The following NEGR1 variants were observed in gnomAD, a reference collection of about 807,000 sequenced individuals.
NEGR1 encodes the protein neuronal growth regulator 1, also known as IgLON family member 4.
NEGR1 carries 10 observed loss-of-function variants against 40.9 expected under a neutral mutation model. That is an observed-to-expected ratio of 0.24 (90% CI 0.15 to 0.42). The LOEUF (loss-of-function observed/expected upper bound fraction) is 0.42, where lower values mean the gene tolerates loss of function less well. NEGR1 is among the 10% of genes least tolerant of loss of function. NEGR1 has a pLI of 1.00. For missense variants in NEGR1, 352 were observed against 438.9 expected (o/e 0.80, Z 1.77); for synonymous variants, 185 against 166.8 (o/e 1.11, Z -0.84).
chr1:71,573,667 T>C (rs1570050122), intron 6 of NEGR1: 1 of 152,346 alleles, frequency 6.6e-6, no homozygotes, highest in Admixed American at 6.5e-5. Context: ...TATAAATTAA[T>C]AAATTGATAT....
intron 2 of NEGR1, among the ~76,000 whole-genome samples, chr1:71,882,233 C>T (rs1660602089): frequency 6.6e-6 from 1 of 152,058 alleles, no homozygotes; most frequent in South Asian, 2.1e-4. Flanking sequence ...TTGCTCCATT[C>T]CATTTAATTC....
intron 4 of NEGR1, among the ~76,000 whole-genome samples, chr1:71,612,289 A>C (rs1464456067): frequency 2.6e-5 from 4 of 152,192 alleles, no homozygotes; most frequent in Non-Finnish European, 5.9e-5. Context: ...GGTATGCCAG[A>C]TTTCCTTTTC....
chr1:71,785,813 C>T (rs1373874366), intron 2 of NEGR1, among the ~76,000 whole-genome samples: 1 of 152,144 alleles, frequency 6.6e-6, no homozygotes, highest in African/African-American at 2.4e-5. Flanking sequence ...CCAATGTCTA[C>T]CCTTGGAGTC....
At chr1:71,850,469 G>A (rs1659567513) in intron 2 of NEGR1, among the ~76,000 whole-genome samples, 1 of 151,968 alleles carries the variant, frequency 6.6e-6, no homozygotes, top group Non-Finnish European at 1.5e-5. Context: ...CTATTGTCTT[G>A]TCAAGAATAT....
In NEGR1 at chr1:71,748,511, C is replaced by G. The variant is rs374560739; in HGVS notation, c.535+27661G>C. Among the ~76,000 whole-genome samples, 207 of 152,188 alleles carry G rather than the reference C, an allele frequency of 1.4e-3. 1 individual carries two copies. Among genetic ancestry groups the G allele is most frequent in the South Asian group, 5.4e-3 (26 of 4,830 alleles). Reference sequence around the variant, plus strand: ...CCAAATAAAGGGAGAATAGTGATGACATATTGAGACCTTATTAATGACCTA... The same window carrying G: ...CCAAATAAAGGGAGAATAGTGATGAGATATTGAGACCTTATTAATGACCTA... On this transcript the variant is annotated intron_variant, in intron 3 of 6. Coordinates refer to ENST00000357731, the MANE Select transcript of NEGR1 (RefSeq NM_173808.3).
At chr1:71,785,088 C>T (rs1656862765) in intron 2 of NEGR1, among the ~76,000 whole-genome samples, 1 of 152,172 alleles carries the variant, frequency 6.6e-6, no homozygotes. Flanking sequence ...CAAATCACTG[C>T]TGTACCTCAG....
At chr1:71,508,822 T>C (rs1435662192) in intron 6 of NEGR1, among the ~76,000 whole-genome samples, 3 of 152,322 alleles carry the variant, frequency 2.0e-5, no homozygotes, top group South Asian at 2.1e-4. Context: ...TGCCAGAATT[T>C]AGAATGCAGT....
At chr1:71,719,156 G>T (rs1370237351) in intron 3 of NEGR1, among the ~76,000 whole-genome samples, 1 of 152,058 alleles carries the variant, frequency 6.6e-6, no homozygotes. Flanking sequence ...TCTGTGAAAG[G>T]ATCATTTGGG....
At chr1:72,030,922 G>A (rs559626791) in intron 1 of NEGR1, among the ~76,000 whole-genome samples, 28 of 152,280 alleles carry the variant, frequency 1.8e-4, no homozygotes, top group African/African-American at 3.6e-4. Flanking sequence ...TGCTCTTCAC[G>A]TAGCATTCTT....
At chr1:72,180,868 T>C (rs894816422) in intron 1 of NEGR1, among the ~76,000 whole-genome samples, 1 of 152,134 alleles carries the variant, frequency 6.6e-6, no homozygotes, top group Non-Finnish European at 1.5e-5. Context: ...GATTCTGACT[T>C]CCTCCTCTGG....
chr1:71,470,612 T>C (rs982905695), intron 6 of NEGR1, among the ~76,000 whole-genome samples: 2 of 152,094 alleles, frequency 1.3e-5, no homozygotes, highest in African/African-American at 4.8e-5. Flanking sequence ...GCCTGATCCT[T>C]GTCAATTTTA....
intron 4 of NEGR1, among the ~76,000 whole-genome samples, chr1:71,634,672 C>T (rs1445013282): frequency 6.6e-6 from 1 of 152,074 alleles, no homozygotes; most frequent in Non-Finnish European, 1.5e-5. Context: ...CTTGGAAACA[C>T]GAGGCCTGTC....
At chr1:72,166,876 A>C (rs1215598409) in intron 1 of NEGR1, among the ~76,000 whole-genome samples, 1 of 152,132 alleles carries the variant, frequency 6.6e-6, no homozygotes, top group African/African-American at 2.4e-5. Context: ...ATATATATAT[A>C]CACAATTATA....
intron 6 of NEGR1, among the ~76,000 whole-genome samples, chr1:71,456,842 C>T (rs1181838623): frequency 6.6e-6 from 1 of 152,106 alleles, no homozygotes; most frequent in Non-Finnish European, 1.5e-5. Flanking sequence ...CCTGCTTTTC[C>T]ACAGTTTTAA....
chr1:71,482,792 T>A (rs2101374113), intron 6 of NEGR1, among the ~76,000 whole-genome samples: 1 of 151,834 alleles, frequency 6.6e-6, no homozygotes, highest in East Asian at 1.9e-4. Context: ...TTCATTAGCA[T>A]CAAATGTGCA....
chr1:71,582,638 T>C (rs1001467090), intron 6 of NEGR1, among the ~76,000 whole-genome samples: 1 of 152,108 alleles, frequency 6.6e-6, no homozygotes, highest in African/African-American at 2.4e-5. Context: ...AAAACAAATA[T>C]GAAAACAAGG....
chr1:71,867,256 C>T (rs1447336992), intron 2 of NEGR1, among the ~76,000 whole-genome samples: 1 of 152,044 alleles, frequency 6.6e-6, no homozygotes, highest in African/African-American at 2.4e-5. Context: ...TGCCTATAAT[C>T]CCAGCTACTC....
intron 6 of NEGR1, among the ~76,000 whole-genome samples, chr1:71,506,302 G>C (rs762919738): frequency 6.6e-6 from 1 of 152,224 alleles, no homozygotes; most frequent in South Asian, 2.1e-4. Context: ...CCATCTGTTC[G>C]TAACAGTAGA....
Position 71,799,318 on chromosome 1 carries a change from G to A in NEGR1, c.410-23021C>T, listed in dbSNP as rs137901944. Among the ~76,000 whole-genome samples the A allele has an allele frequency of 2.8e-3, 423 of 152,218 alleles. 2 individuals are homozygous for A. Among genetic ancestry groups the A allele is most frequent in the African/African-American group, 9.9e-3 (410 of 41,522 alleles). Reference sequence around the variant, plus strand: ...TGTTTGGTTTTCTGTTCCTGTATTAGTCTGCTGAGAATGATGGTTTCCAGC... The same window carrying A: ...TGTTTGGTTTTCTGTTCCTGTATTAATCTGCTGAGAATGATGGTTTCCAGC... On this transcript the variant is annotated intron_variant, in intron 2 of 6. Transcript: ENST00000357731.
Sources: gnomAD v4.1 joint callset for allele counts (sites outside exome capture counted in the v4.1 genomes callset) on GRCh38, gnomAD v4.1.1 for gene constraint, MANE v1.5 for transcripts, NCBI Gene and HGNC (gene_info 2026-07-23, HGNC 2026-07-21) for gene names.